Variants in KIF5A observed in about 807,000 individuals in gnomAD.
KIF5A encodes the protein kinesin heavy chain isoform 5A.
A neutral mutation model predicts 141.3 loss-of-function variants in KIF5A; 35 were observed. That is an observed-to-expected ratio of 0.25 (90% CI 0.19 to 0.33). The LOEUF (loss-of-function observed/expected upper bound fraction) is 0.33, where lower values mean the gene tolerates loss of function less well. Ranked by LOEUF, KIF5A falls within the 10% of genes least tolerant of loss-of-function variation. KIF5A has a pLI of 1.00. For missense variants in KIF5A, 861 were observed against 1,314.3 expected, an observed-to-expected ratio of 0.66 and a Z score of 5.33; for synonymous variants, 448 against 500.2, an observed-to-expected ratio of 0.90 and a Z score of 1.39.
rs780381269 is a variant in KIF5A, at chr12:57,570,042, C to T, written c.1173C>T (p.Ala391=). The T allele has an allele frequency of 1.2e-5, 20 of 1,613,852 alleles. No individual in the cohort carries two copies. In the African/African-American group the frequency reaches 1.6e-4, roughly 13 times the overall value. ...RLAGEEAALG[A]ELCEETPVND... The stretch of plus-strand genomic sequence containing the variant: ...CTGGGGAGGAGGCAGCCCTGGGAGC[C>T]GAGCTCTGTGAGGAGACCCCTGTGA... Residue 391 remains alanine (A), a synonymous_variant, in exon 12 of 29, where the codon GCC becomes GCT. Coordinates refer to ENST00000455537, the MANE Select transcript of KIF5A (RefSeq NM_004984.4).
intron 1 of KIF5A, among the ~76,000 whole-genome samples, chr12:57,558,444 C>T (rs1371580414): frequency 2.6e-5 from 4 of 152,092 alleles, no homozygotes; most frequent in African/African-American, 9.7e-5. Flanking sequence ...GAGGCCAAGG[C>T]GGGTGGATCA....
rs1385718036 is a variant in KIF5A at position 57,572,701 on chromosome 12, T to C, written c.1691T>C (p.Ile564Thr). The C allele has an allele frequency of 1.9e-6, 3 of 1,614,060 alleles. No individual in the cohort carries two copies. The highest frequency in any genetic ancestry group is 1.7e-5 in the Admixed American group (1 of 59,996). The change falls in exon 15 of 29, where the codon ATT (isoleucine) becomes ACT (threonine). Residue 564 changes from isoleucine (I) to threonine (T), a missense_variant. This residue lies in a region of KIF5A where 482 missense variants were observed against 661.3 expected (regional missense o/e 0.73). Transcript: ENST00000455537. This position sits in a 1 kb window ranked among gnomAD's most constrained non-coding sequence, Gnocchi z 4.2. ...AAGGATCTGAGCGAGTTCAGTGTCA[T>C]TGTGGGCAACGGGGAGATTAAGCTG... is the stretch of plus-strand genomic sequence containing the variant. The part of the protein sequence containing the change: ...LMKDLSEFSV[I>T]VGNGEIKLPV...
Position 57,582,610 on chromosome 12 carries a change from A to G in KIF5A, c.3001A>G (p.Thr1001Ala). ...QKANMDNGNATDINDNRSDLP... is the reference protein window; with the variant it reads ...QKANMDNGNAADINDNRSDLP... ...AATGATGATCTCTTCAGGAAATGCC[A>G]CAGATATCAATGACAATAGGTACAA... The change falls in exon 27 of 29, where the codon ACA (threonine) becomes GCA (alanine). Residue 1001 changes from threonine to alanine, a missense_variant. By Grantham distance (58) the Thr-to-Ala change is moderately conservative. This residue lies in a region of KIF5A where 482 missense variants were observed against 661.3 expected (regional missense o/e 0.73). Coordinates refer to ENST00000455537, the MANE Select transcript of KIF5A (RefSeq NM_004984.4). 5 of 1,611,528 alleles carry G rather than the reference A, an allele frequency of 3.1e-6. No individual in the cohort carries two copies. Among genetic ancestry groups the G allele is most frequent in the Non-Finnish European group, 4.2e-6 (5 of 1,177,632 alleles).
intron 23 of KIF5A, among the ~76,000 whole-genome samples, chr12:57,579,405 C>T (rs1280382366): frequency 6.6e-6 from 1 of 152,148 alleles, no homozygotes; most frequent in Non-Finnish European, 1.5e-5. Flanking sequence ...TCAAATCTAC[C>T]TTAAGATTCC....
intron 13 of KIF5A, 135 bp from the exon 14 acceptor site, chr12:57,571,926 T>C: frequency 1.3e-6 from 1 of 752,906 alleles, no homozygotes. Flanking sequence ...GTTGCCCTAT[T>C]TCTATGAAAC....
chr12:57,573,038 A>G lies in KIF5A; in HGVS notation c.1716+312A>G, dbSNP rs142941501. On this transcript the variant is annotated intron_variant, in intron 15 of 28. Coordinates refer to ENST00000455537, the MANE Select transcript of KIF5A (RefSeq NM_004984.4). ...AAACCCTGTCTCTACTAAAAATACAAAAATTAGCCAGGCGTGGTGATGTGC... is the reference window on the plus strand; with the variant it reads ...AAACCCTGTCTCTACTAAAAATACAGAAATTAGCCAGGCGTGGTGATGTGC... 2.4e-3 allele frequency among the ~76,000 whole-genome samples: 367 copies of G among 152,266 alleles called. 4 individuals are homozygous for G. The highest frequency in any genetic ancestry group is 8.1e-3 in the African/African-American group (338 of 41,532).
At chr12:57,570,245 T>C (rs952873465) in intron 12 of KIF5A, 83 bp downstream of exon 12, 1 of 1,274,856 alleles carries the variant, frequency 7.8e-7, no homozygotes, top group African/African-American at 1.5e-5. Flanking sequence ...ATATTGCCTC[T>C]TTCTGGTTTT....
intron 1 of KIF5A, among the ~76,000 whole-genome samples, chr12:57,560,745 C>G (rs1881883250): frequency 6.6e-6 from 1 of 152,036 alleles, no homozygotes; most frequent in South Asian, 2.1e-4. Context: ...CTCACGCTTG[C>G]AATCCTAGCA....
chr12:57,570,043 G>C lies in KIF5A; in HGVS notation c.1174G>C (p.Glu392Gln), dbSNP rs541181624. The part of the protein sequence containing the change: ...LAGEEAALGA[E>Q]LCEETPVNDN... ...TGGGGAGGAGGCAGCCCTGGGAGCC[G>C]AGCTCTGTGAGGAGACCCCTGTGAA... Residue 392 changes from glutamate (E) to glutamine (Q), a missense_variant, in exon 12 of 29, where the codon GAG (glutamate) becomes CAG (glutamine). Glu to Gln is a conservative substitution (Grantham distance 29). Around this residue, in one of 5 missense-constraint regions of KIF5A, gnomAD observed 167 missense variants for 192.0 expected, o/e 0.87. Coordinates refer to ENST00000455537, the MANE Select transcript of KIF5A (RefSeq NM_004984.4). The C allele has an allele frequency of 6.2e-7, 1 of 1,613,954 alleles. No individual in the cohort carries two copies.
intron 23 of KIF5A, 61 bp downstream of exon 23, chr12:57,578,403 C>T (rs976824781): frequency 1.2e-4 from 129 of 1,092,206 alleles, no homozygotes; most frequent in Non-Finnish European, 1.7e-4. Flanking sequence ...CATACCAAAT[C>T]CTCAGAGGCC....
rs375737596 is a variant in KIF5A at position 57,581,113 on chromosome 12, G to A, written c.2696G>A (p.Arg899His). 9 of 1,614,068 alleles carry A rather than the reference G, an allele frequency of 5.6e-6. No individual in the cohort carries two copies. The highest frequency in any genetic ancestry group is 7.6e-6 in the Non-Finnish European group (9 of 1,179,988). ...CGCCGGTACCAGCAGGAGGTGGACCGCATCAAGGAGGCCGTTCGCTACAAG... is the reference window on the plus strand; with the variant it reads ...CGCCGGTACCAGCAGGAGGTGGACCACATCAAGGAGGCCGTTCGCTACAAG... ...DKRRYQQEVD[R>H]IKEAVRYKSS... Residue 899 changes from arginine to histidine, a missense_variant, in exon 24 of 29, where the codon CGC (arginine) becomes CAC (histidine). Arg to His is a conservative substitution (Grantham distance 29). Transcript: ENST00000455537.
At position 57,569,326 on chromosome 12, in the gene KIF5A, G is replaced by A. The variant is rs1404057685; in HGVS notation, c.890G>A (p.Arg297Gln). ...CAGGACTCTCTCGGGGGAAACTGCC[G>A]GACGACTATGTTCATCTGTTGCTCA... ...ILQDSLGGNC[R>Q]TTMFICCSPS... The change falls in exon 10 of 29, where the codon CGG (arginine) becomes CAG (glutamine). Residue 297 changes from arginine (R) to glutamine (Q), a missense_variant. By Grantham distance (43) the Arg-to-Gln change is conservative. Transcript: ENST00000455537. The A allele has an allele frequency of 3.7e-6, 6 of 1,613,680 alleles. No homozygotes were observed. Among genetic ancestry groups the A allele is most frequent in the Admixed American group, 1.7e-5 (1 of 59,988 alleles).
chr12:57,581,840 G>A, intron 25 of KIF5A, 30 bp from the exon 26 acceptor site: 1 of 1,603,554 alleles, frequency 6.2e-7, no homozygotes. Flanking sequence ...GTGGGTGTCA[G>A]AGGCTGCCTC....
Position 57,571,343 on chromosome 12 carries a change from G to A in KIF5A, c.1316G>A (p.Ser439Asn). 6.2e-7 allele frequency: 1 copy of A among 1,613,256 alleles called. No homozygotes were observed. The highest frequency in any genetic ancestry group is 8.5e-7 in the Non-Finnish European group (1 of 1,179,306). The change falls in exon 13 of 29, where the codon AGC (serine) becomes AAC (asparagine). Residue 439 changes from serine (S) to asparagine (N), a missense_variant. Ser to Asn is a conservative substitution (Grantham distance 46). This residue lies in a region of KIF5A where 167 missense variants were observed against 192.0 expected (regional missense o/e 0.87). Coordinates refer to ENST00000455537, the MANE Select transcript of KIF5A (RefSeq NM_004984.4). ...DDKDDEINQQ[S>N]QLIEKLKQQM... Reference sequence around the variant, plus strand: ...CAGGATGATGAAATCAACCAACAAAGCCAACTCATAGAGAAGCTCAAGCAG... The same window carrying A: ...CAGGATGATGAAATCAACCAACAAAACCAACTCATAGAGAAGCTCAAGCAG...
Position 57,576,793 on chromosome 12 carries a change from A to C in KIF5A, c.2231A>C (p.Lys744Thr). 2 of 1,613,928 alleles carry C rather than the reference A, an allele frequency of 1.2e-6. No homozygotes were observed. The change falls in exon 20 of 29, where the codon AAG (lysine) becomes ACG (threonine). Residue 744 changes from lysine (K) to threonine (T), a missense_variant. Around this residue, in one of 5 missense-constraint regions of KIF5A, gnomAD observed 482 missense variants for 661.3 expected, o/e 0.73. Coordinates refer to ENST00000455537, the MANE Select transcript of KIF5A (RefSeq NM_004984.4). Reference protein sequence around the residue: ...LNQKLQLELEKLQADYEKLKS... With the variant: ...LNQKLQLELETLQADYEKLKS... ...CAGAAGCTCCAGTTAGAGCTAGAGA[A>C]GCTTCAGGCTGACTACGAGAAGCTG...
intron 1 of KIF5A, among the ~76,000 whole-genome samples, chr12:57,562,962 A>G (rs1881952678): frequency 6.6e-6 from 1 of 151,636 alleles, no homozygotes. Context: ...AACTCCTGGC[A>G]TCAGTACCTT....
rs111726040 is a variant in KIF5A, at chr12:57,575,580, G to T, written c.1906-60G>T. On this transcript the variant is annotated intron_variant, in intron 16 of 28. Transcript: ENST00000455537. ...AGGAGAGCTGGAGTTGGAGATCTGT[G>T]TGGCCTGGGTTTGTGTCCTTTGCTC... is the stretch of plus-strand genomic sequence containing the variant. 638 of 1,363,218 alleles carry T rather than the reference G, an allele frequency of 4.7e-4. 1 individual carries two copies. In the African/African-American group the frequency reaches 8.2e-3, roughly 18 times the overall value. The allele number at this position is 1,363,218 out of a possible 1,614,324, so 84.4% of individuals were successfully genotyped here.
chr12:57,552,854 C>T (rs1047378399), intron 1 of KIF5A, among the ~76,000 whole-genome samples: 7 of 152,102 alleles, frequency 4.6e-5, no homozygotes, highest in Middle Eastern at 3.2e-3. Context: ...CTCTCCCCTT[C>T]GCCTCTGCAG....
intron 12 of KIF5A, among the ~76,000 whole-genome samples, chr12:57,571,065 C>A (rs753468701): frequency 6.6e-6 from 1 of 151,308 alleles, no homozygotes; most frequent in African/African-American, 2.4e-5. Flanking sequence ...CCTTTCAATG[C>A]GCTGGGATTA....
Sources: allele counts gnomAD v4.1 joint callset (sites outside exome capture counted in the v4.1 genomes callset), GRCh38; gene constraint gnomAD v4.1.1; regional missense constraint gnomAD v4.1.1; non-coding constraint Gnocchi (gnomAD v3.1); transcripts MANE v1.5; gene names NCBI Gene and HGNC (gene_info 2026-07-23, HGNC 2026-07-21).